The following PDE4D variants were observed in gnomAD, a reference collection of about 807,000 sequenced individuals.
PDE4D encodes phosphodiesterase 4D, also known as 3',5'-cyclic-AMP phosphodiesterase 4D.
A neutral mutation model predicts 87.4 loss-of-function variants in PDE4D; 24 were observed. The observed-to-expected ratio is 0.27, with a 90% CI of 0.20 to 0.39. PDE4D has a LOEUF of 0.39. Ranked by LOEUF, PDE4D falls within the 10% of genes least tolerant of loss-of-function variation. PDE4D has a pLI of 1.00. For missense variants in PDE4D, 714 were observed against 1,041.0 expected (o/e 0.69, Z 4.32); for synonymous variants, 384 against 383.2 (o/e 1.00, Z -0.02).
intron 1 of PDE4D, among the ~76,000 whole-genome samples, chr5:59,447,095 T>C (rs1217478109): frequency 6.6e-6 from 1 of 152,194 alleles, no homozygotes; most frequent in Non-Finnish European, 1.5e-5. Flanking sequence ...CCCAATCCTC[T>C]GGTGCTGTGA....
At chr5:60,471,887 C>G (rs1240178114) in intron 1 of PDE4D, among the ~76,000 whole-genome samples, 3 of 152,084 alleles carry the variant, frequency 2.0e-5, no homozygotes, top group Non-Finnish European at 4.4e-5. Context: ...CCACAATACT[C>G]CCAAAGTATG....
At chr5:59,011,445 C>T (rs191839337) in intron 6 of PDE4D, among the ~76,000 whole-genome samples, 1 of 152,230 alleles carries the variant, frequency 6.6e-6, no homozygotes, top group East Asian at 1.9e-4. Flanking sequence ...ATAGAGAAGA[C>T]CTTAAATGAC....
At chr5:59,852,802 G>T (rs187272286) in intron 1 of PDE4D, among the ~76,000 whole-genome samples, 1 of 151,850 alleles carries the variant, frequency 6.6e-6, no homozygotes, top group Non-Finnish European at 1.5e-5. Flanking sequence ...CAATCAGTTT[G>T]CAACAGAAAA....
Position 59,592,117 on chromosome 5 carries a change from A to G in PDE4D, c.455+301051T>C, listed in dbSNP as rs895186344. The G allele has an allele frequency of 8.1e-6, 8 of 984,830 alleles. No individual in the cohort carries two copies. The Admixed American group carries it at 2.5e-4, about 30-fold the overall frequency. The allele number at this position is 984,830 out of a possible 1,614,324, so 61.0% of individuals were successfully genotyped here. A position where few individuals can be genotyped will look rare whatever the true frequency, so the allele number is the denominator to read the frequency against. On this transcript the variant is annotated intron_variant, in intron 1 of 14. Transcript: ENST00000340635. ...AGCAAGAAAAGAACATTCAAGACCAAATTCTCTATCTCACCTTTACAGAAA... is the reference window on the plus strand; with the variant it reads ...AGCAAGAAAAGAACATTCAAGACCAGATTCTCTATCTCACCTTTACAGAAA...
At chr5:58,987,877 C>A (rs1212962562) in intron 11 of PDE4D, among the ~76,000 whole-genome samples, 1 of 152,042 alleles carries the variant, frequency 6.6e-6, no homozygotes, top group Non-Finnish European at 1.5e-5. Context: ...CTAAACATTC[C>A]CTACACAGGC....
intron 1 of PDE4D, among the ~76,000 whole-genome samples, chr5:59,888,697 G>A (rs1329559945): frequency 3.3e-5 from 5 of 151,516 alleles, no homozygotes; most frequent in African/African-American, 7.3e-5. Flanking sequence ...CAATCTGAAC[G>A]GCCAATTTTT....
chr5:59,123,698 G>A (rs1048367117), intron 5 of PDE4D, among the ~76,000 whole-genome samples: 3 of 152,070 alleles, frequency 2.0e-5, no homozygotes, highest in Non-Finnish European at 4.4e-5. Context: ...TTAGCAGATA[G>A]AAAAAAAGTA....
chr5:59,890,752 C>T (rs1282703789), intron 1 of PDE4D, among the ~76,000 whole-genome samples: 1 of 152,206 alleles, frequency 6.6e-6, no homozygotes, highest in South Asian at 2.1e-4. Flanking sequence ...GAACAAATTG[C>T]TCGCATCTTC....
At chr5:59,727,725 T>C (rs896698733) in intron 1 of PDE4D, among the ~76,000 whole-genome samples, 2 of 152,104 alleles carry the variant, frequency 1.3e-5, no homozygotes, top group African/African-American at 2.4e-5. Context: ...TGTGAGCATG[T>C]TCTTTTACTC....
intron 1 of PDE4D, among the ~76,000 whole-genome samples, chr5:59,644,662 G>A (rs1053322791): frequency 3.9e-5 from 6 of 152,102 alleles, no homozygotes; most frequent in African/African-American, 1.2e-4. Flanking sequence ...GAAATACCCT[G>A]CCTATTTGAG....
intron 1 of PDE4D, among the ~76,000 whole-genome samples, chr5:59,675,485 T>C (rs904252889): frequency 1.3e-5 from 2 of 152,180 alleles, no homozygotes; most frequent in Admixed American, 6.5e-5. Context: ...TCAAATGTTT[T>C]TGATGGAAAG....
At chr5:60,131,866 A>C (rs1779615864) in intron 2 of PDE4D, among the ~76,000 whole-genome samples, 1 of 152,244 alleles carries the variant, frequency 6.6e-6, no homozygotes, top group Admixed American at 6.5e-5. Flanking sequence ...GCATTGGCTT[A>C]TCTGAAACTG....
intron 3 of PDE4D, among the ~76,000 whole-genome samples, chr5:59,985,008 C>G (rs1762274584): frequency 6.6e-6 from 1 of 151,486 alleles, no homozygotes; most frequent in African/African-American, 2.4e-5. Flanking sequence ...GGGCTGGAGA[C>G]AACTCAGTTA....
chr5:59,984,890 C>T (rs1267775491), intron 3 of PDE4D, among the ~76,000 whole-genome samples: 1 of 151,994 alleles, frequency 6.6e-6, no homozygotes, highest in African/African-American at 2.4e-5. Flanking sequence ...ATCTGGAGGG[C>T]ATGAAAAGTC....
intron 1 of PDE4D, among the ~76,000 whole-genome samples, chr5:60,321,799 A>T (rs1050506201): frequency 1.3e-5 from 2 of 152,212 alleles, no homozygotes; most frequent in Non-Finnish European, 2.9e-5. Context: ...AATGTTCAAC[A>T]TCAGTAATCA....
intron 5 of PDE4D, among the ~76,000 whole-genome samples, chr5:59,144,944 T>C (rs1159072794): frequency 6.7e-6 from 1 of 149,106 alleles, no homozygotes; most frequent in Non-Finnish European, 1.5e-5. Flanking sequence ...GTTTTATAAA[T>C]GTCTTTGTTC....
intron 3 of PDE4D, among the ~76,000 whole-genome samples, chr5:59,903,852 T>C (rs1326545784): frequency 6.6e-6 from 1 of 152,122 alleles, no homozygotes; most frequent in Non-Finnish European, 1.5e-5. Flanking sequence ...TGCAAGCGTG[T>C]CTTATGTCTG....
At chr5:59,726,909 T>A (rs902379347) in intron 1 of PDE4D, among the ~76,000 whole-genome samples, 1 of 152,090 alleles carries the variant, frequency 6.6e-6, no homozygotes, top group East Asian at 1.9e-4. Flanking sequence ...TCATTGATCA[T>A]TTAATTCAAC....
chr5:59,102,274 T>C (rs1580803574), intron 5 of PDE4D, among the ~76,000 whole-genome samples: 1 of 151,712 alleles, frequency 6.6e-6, no homozygotes, highest in African/African-American at 2.4e-5. Context: ...TTAGTAGAGA[T>C]GGGGTTTCTC....
Sources: allele counts gnomAD v4.1 joint callset (sites outside exome capture counted in the v4.1 genomes callset), GRCh38; gene constraint gnomAD v4.1.1; transcripts MANE v1.5; gene names NCBI Gene and HGNC (gene_info 2026-07-23, HGNC 2026-07-21).